The following RAB12 variants were observed in gnomAD, a reference collection of about 807,000 sequenced individuals.
The protein encoded by RAB12 is RAB12, member RAS oncogene family, also known as ras-related protein Rab-12.
RAB12 carries 11 observed loss-of-function variants against 28.4 expected under a neutral mutation model. The ratio of observed to expected loss-of-function variants is 0.39; its 90% confidence interval spans 0.24 to 0.64. The LOEUF (loss-of-function observed/expected upper bound fraction) is 0.64. RAB12 is among the 30% of genes least tolerant of loss of function. The probability of loss-of-function intolerance (pLI) is 0.50; values close to 1 mark genes in which losing one functional copy is unlikely to be tolerated. For synonymous variants in RAB12, 138 were observed against 145.3 expected (o/e 0.95, Z 0.36); for missense variants, 276 against 351.1 (o/e 0.79, Z 1.71).
At chr18:8,634,855 G>T (rs1397430818) in intron 3 of RAB12, among the ~76,000 whole-genome samples, 1 of 152,180 alleles carries the variant, frequency 6.6e-6, no homozygotes, top group Non-Finnish European at 1.5e-5. Context: ...CAAGTTAGTT[G>T]CTCAAGAGAT....
intron 1 of RAB12, among the ~76,000 whole-genome samples, chr18:8,623,835 G>T (rs1193172065): frequency 6.6e-6 from 1 of 152,230 alleles, no homozygotes; most frequent in Admixed American, 6.5e-5. Context: ...CTCTCCTAGG[G>T]CAGGAGGGCT....
chr18:8,633,128 G>A, intron 2 of RAB12, 61 bp from the exon 3 acceptor site: 1 of 1,598,100 alleles, frequency 6.3e-7, no homozygotes, highest in Non-Finnish European at 8.6e-7. Flanking sequence ...GTTTGCATTG[G>A]AATGTGATGG....
intron 1 of RAB12, among the ~76,000 whole-genome samples, chr18:8,620,130 T>C (rs7505767): frequency 0.12 from 14,197 of 119,360 alleles, 715 homozygotes; most frequent in Non-Finnish European, 0.14. Flanking sequence ...TTCTTTTTTT[T>C]TTCTTCTTCT....
chr18:8,633,056 CA>C, intron 2 of RAB12, 132 bp from the exon 3 acceptor site: 1 of 1,093,934 alleles, frequency 9.1e-7, no homozygotes. Flanking sequence ...GTCATCAGGT[CA>C]AAGGGAAATA....
intron 2 of RAB12, among the ~76,000 whole-genome samples, chr18:8,632,203 G>A (rs1400109559): frequency 6.6e-6 from 1 of 151,526 alleles, no homozygotes; most frequent in Non-Finnish European, 1.5e-5. Context: ...GCTTGAACTC[G>A]GGAGGCAGAG....
rs2096021000 is a variant in RAB12 at position 8,639,192 on chromosome 18, T to TTTTTTTTTTTTTTTTA, written c.*930_*931insTTTTTTTTTTTTTTTA. 7.4e-6 allele frequency: 1 copy of TTTTTTTTTTTTTTTTA among 135,188 alleles called. No homozygotes were observed. The highest frequency in any genetic ancestry group is 2.6e-4 in the South Asian group (1 of 3,916). The allele number at this position is 135,188 out of a possible 1,614,324, so 8.4% of individuals were successfully genotyped here. On this transcript the variant is annotated 3_prime_UTR_variant, in exon 6 of 6. Coordinates refer to ENST00000649141, the MANE Select transcript of RAB12 (RefSeq NM_001025300.3). ...TTTTTTTTTTTTTTTTTTTTTTTTTTGGTCTGATGATGAATTTGTGAACTC... is the reference window on the plus strand; with the variant it reads ...TTTTTTTTTTTTTTTTTTTTTTTTTTTTTTTTTTTTTTTTTAGGTCTGATGATGAATTTGTGAACTC...
chr18:8,618,747 C>T (rs899329557), intron 1 of RAB12, among the ~76,000 whole-genome samples: 2 of 152,170 alleles, frequency 1.3e-5, no homozygotes, highest in Admixed American at 1.3e-4. Flanking sequence ...CTCCTGATCT[C>T]GTGATCCACC....
intron 2 of RAB12, 65 bp downstream of exon 2, chr18:8,625,063 A>G (rs1194773249): frequency 1.9e-6 from 2 of 1,065,768 alleles, no homozygotes; most frequent in African/African-American, 3.2e-5. Flanking sequence ...TACTTGTCTA[A>G]TAAAATGAAC....
In RAB12 at chr18:8,617,003, T is replaced by G. The variant is rs538937157; in HGVS notation, c.514+7050T>G. Among the ~76,000 whole-genome samples, 10 of 152,268 alleles carry G rather than the reference T, an allele frequency of 6.6e-5. No individual in the cohort carries two copies. The East Asian group carries it at 1.9e-3, about 29-fold the overall frequency. ...AGCCATGGCACTTGTGGAAAGAGAT[T>G]TTGGAGGCAGGCATACAGTCCTGCA... On this transcript the variant is annotated intron_variant, in intron 1 of 5. Coordinates refer to ENST00000649141, the MANE Select transcript of RAB12 (RefSeq NM_001025300.3).
chr18:8,618,613 C>T (rs1052271096), intron 1 of RAB12, among the ~76,000 whole-genome samples: 34 of 151,952 alleles, frequency 2.2e-4, no homozygotes, highest in African/African-American at 7.3e-4. Flanking sequence ...GGGTTCACGC[C>T]GTTCTCCTGC....
intron 2 of RAB12, 75 bp from the exon 3 acceptor site, chr18:8,633,114 C>CT: frequency 6.4e-7 from 1 of 1,568,064 alleles, no homozygotes; most frequent in Non-Finnish European, 8.8e-7. Flanking sequence ...AGCATATAAT[C>CT]TATGTTTGCA....
chr18:8,638,357 C>T lies in RAB12; in HGVS notation c.*95C>T. 1.2e-6 allele frequency: 1 copy of T among 831,220 alleles called. No homozygotes were observed. The highest frequency in any genetic ancestry group is 1.5e-5 in the South Asian group (1 of 65,948). 51.5% of individuals were successfully genotyped at this position (831,220 alleles called of 1,614,324 possible). On this transcript the variant is annotated 3_prime_UTR_variant, in exon 6 of 6. Transcript: ENST00000649141. Reference sequence around the variant, plus strand: ...ATCATTTTGACAATTTCCTTTCGCACTTTGTAATCCAAGTCAGAGCTATAC... The same window carrying T: ...ATCATTTTGACAATTTCCTTTCGCATTTTGTAATCCAAGTCAGAGCTATAC...
intron 3 of RAB12, among the ~76,000 whole-genome samples, chr18:8,634,904 T>C (rs2096018027): frequency 6.6e-6 from 1 of 152,248 alleles, no homozygotes; most frequent in Non-Finnish European, 1.5e-5. Flanking sequence ...TCATTGTACC[T>C]ATATGTATTT....
At chr18:8,617,451 G>T (rs2096007317) in intron 1 of RAB12, among the ~76,000 whole-genome samples, 2 of 150,664 alleles carry the variant, frequency 1.3e-5, no homozygotes, top group Admixed American at 6.6e-5. Context: ...GTTTGATCAT[G>T]GTTTTTTTTT....
intron 1 of RAB12, among the ~76,000 whole-genome samples, chr18:8,621,046 G>GCT (rs904713990): frequency 6.6e-6 from 1 of 152,214 alleles, no homozygotes; most frequent in African/African-American, 2.4e-5. Flanking sequence ...AGTGGTGGGG[G>GCT]CTCGTTGCTT....
At chr18:8,623,352 T>G (rs931256764) in intron 1 of RAB12, among the ~76,000 whole-genome samples, 1 of 152,228 alleles carries the variant, frequency 6.6e-6, no homozygotes, top group African/African-American at 2.4e-5. Flanking sequence ...GGTCCCTCCG[T>G]TTGGGGTCCC....
At chr18:8,629,851 T>TGGCC (rs958019129) in intron 2 of RAB12, among the ~76,000 whole-genome samples, 1 of 152,218 alleles carries the variant, frequency 6.6e-6, no homozygotes, top group African/African-American at 2.4e-5. Flanking sequence ...GAGGCTCTGG[T>TGGCC]GGCCTTGCAT....
At chr18:8,611,906 G>A (rs1406817640) in intron 1 of RAB12, among the ~76,000 whole-genome samples, 1 of 152,204 alleles carries the variant, frequency 6.6e-6, no homozygotes, top group African/African-American at 2.4e-5. Context: ...GAGTACTTTA[G>A]TACTCAGTGC....
At chr18:8,625,091 C>T in intron 2 of RAB12, 93 bp downstream of exon 2, 1 of 771,702 alleles carries the variant, frequency 1.3e-6, no homozygotes, top group South Asian at 1.9e-5. Context: ...GCTGATTTGC[C>T]TCTCCTACTT....
Sources: allele counts gnomAD v4.1 joint callset (sites outside exome capture counted in the v4.1 genomes callset), GRCh38; gene constraint gnomAD v4.1.1; transcripts MANE v1.5; gene names NCBI Gene and HGNC (gene_info 2026-07-23, HGNC 2026-07-21).